The following ANXA8 variants were observed in gnomAD, a reference collection of about 807,000 sequenced individuals.
ANXA8 encodes annexin A8, also known as VAC-beta.
ANXA8 carries 9 observed loss-of-function variants against 26.8 expected under a neutral mutation model. The observed-to-expected ratio is 0.34, with a 90% CI of 0.20 to 0.59. The LOEUF is 0.59. Ranked by LOEUF, ANXA8 falls within the 20% of genes least tolerant of loss-of-function variation. ANXA8 has a pLI of 0.84. For missense variants in ANXA8, 83 were observed against 238.5 expected, an observed-to-expected ratio of 0.35 and a Z score of 4.29; for synonymous variants, 39 against 94.8, an observed-to-expected ratio of 0.41 and a Z score of 3.42.
At chr10:47,981,040 AC>A in the ANXA8 span, among the ~76,000 whole-genome samples, 1 of 151,510 alleles carries the variant, frequency 6.6e-6, no homozygotes, top group African/African-American at 2.4e-5. Context: ...GAATATTAAT[AC>A]AAAAATTATC....
the ANXA8 span, among the ~76,000 whole-genome samples, chr10:47,559,086 G>T: frequency 7.0e-5 from 10 of 143,740 alleles, no homozygotes; most frequent in African/African-American, 2.3e-4. Flanking sequence ...ACATTCTCCA[G>T]TTGTGCTATT....
chr10:47,975,490 T>C, the ANXA8 span, among the ~76,000 whole-genome samples: 1 of 143,958 alleles, frequency 6.9e-6, no homozygotes, highest in African/African-American at 2.5e-5. Flanking sequence ...GTTCTGGTCA[T>C]GGCAGGTGCA....
the ANXA8 span, among the ~76,000 whole-genome samples, chr10:47,693,505 T>C: frequency 2.0e-5 from 3 of 151,494 alleles, no homozygotes; most frequent in Non-Finnish European, 2.9e-5. Context: ...TTAGCCAGGA[T>C]GGTCTCGATA....
At chr10:47,747,164 G>A in the ANXA8 span, among the ~76,000 whole-genome samples, 3 of 151,360 alleles carry the variant, frequency 2.0e-5, no homozygotes, top group Admixed American at 6.6e-5. Context: ...CTAAGAGGCC[G>A]AGCATTTGGG....
chr10:47,683,270 C>T, the ANXA8 span, among the ~76,000 whole-genome samples: 1 of 142,316 alleles, frequency 7.0e-6, no homozygotes, highest in Admixed American at 7.3e-5. Context: ...GCTTTGTTGC[C>T]CAGGCTGGAG....
chr10:47,953,992 A>T, the ANXA8 span, among the ~76,000 whole-genome samples: 1 of 150,582 alleles, frequency 6.6e-6, no homozygotes, highest in Non-Finnish European at 1.5e-5. Flanking sequence ...AGGTTCCCCA[A>T]ACAACTGAAA....
At chr10:47,743,405 T>TGTGTGTGAGAGAGAGAGA in the ANXA8 span, among the ~76,000 whole-genome samples, 26 of 83,528 alleles carry the variant, frequency 3.1e-4, no homozygotes, top group Admixed American at 1.0e-3. Context: ...TGTGTGTGTG[T>TGTGTGTGAGAGAGAGAGA]GAGAGAGAGA....
chr10:47,620,141 C>A, the ANXA8 span, among the ~76,000 whole-genome samples: 2 of 111,926 alleles, frequency 1.8e-5, no homozygotes, highest in African/African-American at 6.7e-5. Flanking sequence ...CTTTTTACAG[C>A]AACTTCTGGG....
chr10:47,718,338 G>A, the ANXA8 span, among the ~76,000 whole-genome samples: 140 of 125,734 alleles, frequency 1.1e-3, no homozygotes, highest in African/African-American at 4.1e-3. Context: ...CAGGTGTGGT[G>A]GTGTGTGCCT....
chr10:47,699,556 G>A, the ANXA8 span, among the ~76,000 whole-genome samples: 1 of 151,466 alleles, frequency 6.6e-6, no homozygotes, highest in African/African-American at 2.4e-5. Context: ...GCTGAGTGCA[G>A]TGGTTTGCGT....
At chr10:47,689,474 C>G in the ANXA8 span, among the ~76,000 whole-genome samples, 1 of 151,862 alleles carries the variant, frequency 6.6e-6, no homozygotes, top group African/African-American at 2.4e-5. Flanking sequence ...CTGCGCCCGG[C>G]CTAAAGAGAG....
the ANXA8 span, among the ~76,000 whole-genome samples, chr10:47,946,450 C>T: frequency 3.3e-5 from 5 of 150,464 alleles, no homozygotes; most frequent in African/African-American, 1.2e-4. Context: ...TTCCCAACAT[C>T]AAGGCCAGAG....
chr10:47,615,405 A>G, the ANXA8 span, among the ~76,000 whole-genome samples: 2 of 70,020 alleles, frequency 2.9e-5, 1 homozygote, highest in Non-Finnish European at 7.3e-5. Flanking sequence ...TGAAGCTCAC[A>G]TAAGAGAAAT....
chr10:47,589,442 A>G, the ANXA8 span: 1 of 146,240 alleles, frequency 6.8e-6, no homozygotes, highest in Non-Finnish European at 1.5e-5. Context: ...TCTCTCCACC[A>G]TGAGTCCTGC....
At chr10:47,592,807 G>A in the ANXA8 span, among the ~76,000 whole-genome samples, 1 of 149,154 alleles carries the variant, frequency 6.7e-6, no homozygotes, top group Non-Finnish European at 1.5e-5. Context: ...ATGGGGGCAT[G>A]GGAGCTGGAC....
chr10:47,667,947 AG>A, the ANXA8 span, among the ~76,000 whole-genome samples: 1 of 151,946 alleles, frequency 6.6e-6, no homozygotes, highest in Non-Finnish European at 1.5e-5. Flanking sequence ...CATGTTGGGC[AG>A]GTTGGTCTTG....
chr10:47,894,735 C>T, the ANXA8 span, among the ~76,000 whole-genome samples: 5 of 152,264 alleles, frequency 3.3e-5, no homozygotes, highest in Non-Finnish European at 7.3e-5. Flanking sequence ...ATACACATAC[C>T]ACACAATACA....
chr10:47,547,402 G>A, the ANXA8 span, among the ~76,000 whole-genome samples: 2 of 137,354 alleles, frequency 1.5e-5, 1 homozygote, highest in African/African-American at 5.3e-5. Flanking sequence ...AGGGTGGCAT[G>A]TGTGTTTATA....
chr10:47,969,198 T>G, the ANXA8 span, among the ~76,000 whole-genome samples: 1 of 151,324 alleles, frequency 6.6e-6, no homozygotes, highest in Non-Finnish European at 1.5e-5. Context: ...GAAGCCTCCA[T>G]TGCTTCCGGA....
Sources: allele counts gnomAD v4.1 joint callset (sites outside exome capture counted in the v4.1 genomes callset), GRCh38; gene constraint gnomAD v4.1.1; transcripts MANE v1.5; gene names NCBI Gene and HGNC (gene_info 2026-07-23, HGNC 2026-07-21).